The following RPS6KC1 variants were observed in gnomAD, a reference collection of about 807,000 sequenced individuals.
The protein encoded by RPS6KC1 is inactive ribosomal protein S6 kinase delta-1.
In RPS6KC1, 54 loss-of-function variants were observed where a neutral mutation model predicts 103.8. The ratio of observed to expected loss-of-function variants is 0.52; its 90% CI spans 0.42 to 0.65. RPS6KC1 has a LOEUF of 0.65. Ranked by LOEUF, RPS6KC1 falls within the 30% of genes least tolerant of loss-of-function variation. The pLI is 0.00. For missense variants in RPS6KC1, 1,151 were observed against 1,253.8 expected, an observed-to-expected ratio of 0.92 and a Z score of 1.24; for synonymous variants, 439 against 438.7, an observed-to-expected ratio of 1.00 and a Z score of -0.01.
the RPS6KC1 span, among the ~76,000 whole-genome samples, chr1:213,390,217 T>C: frequency 2.6e-5 from 4 of 152,250 alleles, no homozygotes; most frequent in African/African-American, 9.6e-5. Context: ...TGTATTTACA[T>C]GCTATTCACA....
the RPS6KC1 span, among the ~76,000 whole-genome samples, chr1:213,809,492 G>C: frequency 6.6e-6 from 1 of 151,958 alleles, no homozygotes; most frequent in Non-Finnish European, 1.5e-5. Context: ...CTTGATACAG[G>C]GTTTTCGCAA....
the RPS6KC1 span, among the ~76,000 whole-genome samples, chr1:213,760,696 T>C: frequency 6.6e-6 from 1 of 152,192 alleles, no homozygotes; most frequent in South Asian, 2.1e-4. Context: ...GTAAATAGTG[T>C]TTTGTTGTTG....
At chr1:213,795,843 C>T in the RPS6KC1 span, among the ~76,000 whole-genome samples, 7 of 152,140 alleles carry the variant, frequency 4.6e-5, no homozygotes, top group Admixed American at 1.3e-4. Context: ...TAGCTTCTCT[C>T]GTTCTCTCTC....
At chr1:213,314,478 T>C in the RPS6KC1 span, among the ~76,000 whole-genome samples, 4 of 152,318 alleles carry the variant, frequency 2.6e-5, no homozygotes, top group East Asian at 7.7e-4. Context: ...AGGAATGGAA[T>C]CCTGAGATTC....
chr1:213,090,423 C>T (rs542544423), intron 3 of RPS6KC1, among the ~76,000 whole-genome samples: 1 of 151,932 alleles, frequency 6.6e-6, no homozygotes, highest in South Asian at 2.1e-4. Context: ...ATAAGTTGAG[C>T]AAAATAAAAG....
chr1:213,652,733 G>C, the RPS6KC1 span, among the ~76,000 whole-genome samples: 1 of 152,274 alleles, frequency 6.6e-6, no homozygotes, highest in African/African-American at 2.4e-5. Context: ...AGGTACCCCA[G>C]CCAGGAGCCT....
chr1:213,518,835 C>T, the RPS6KC1 span, among the ~76,000 whole-genome samples: 3 of 152,122 alleles, frequency 2.0e-5, no homozygotes, highest in South Asian at 2.1e-4. Flanking sequence ...AGTGTGTTTT[C>T]ACATATGTGT....
intron 6 of RPS6KC1, among the ~76,000 whole-genome samples, chr1:213,161,141 A>T (rs1447290236): frequency 1.3e-5 from 2 of 152,222 alleles, no homozygotes. Context: ...CCTGGAACAT[A>T]GTAGATAACT....
At chr1:213,822,356 C>G in the RPS6KC1 span, 4 of 152,072 alleles carry the variant, frequency 2.6e-5, no homozygotes, top group African/African-American at 4.8e-5. Flanking sequence ...ATTCCACCTG[C>G]CTTTGTCGTC....
At chr1:213,567,615 A>C in the RPS6KC1 span, among the ~76,000 whole-genome samples, 1 of 152,206 alleles carries the variant, frequency 6.6e-6, no homozygotes, top group Non-Finnish European at 1.5e-5. Flanking sequence ...GTCTTGAAGT[A>C]ATCTGATCCC....
the RPS6KC1 span, among the ~76,000 whole-genome samples, chr1:213,844,769 G>T: frequency 6.6e-6 from 1 of 152,134 alleles, no homozygotes; most frequent in Non-Finnish European, 1.5e-5. Context: ...ATGGAGAAAG[G>T]CTATAAATAC....
the RPS6KC1 span, among the ~76,000 whole-genome samples, chr1:213,743,426 T>C: frequency 6.6e-6 from 1 of 152,192 alleles, no homozygotes; most frequent in Admixed American, 6.5e-5. Flanking sequence ...AAACTACTTA[T>C]TGGGTACTAC....
At chr1:213,682,393 C>T in the RPS6KC1 span, among the ~76,000 whole-genome samples, 15 of 152,240 alleles carry the variant, frequency 9.9e-5, no homozygotes, top group Admixed American at 8.5e-4. Context: ...ATACGTGTCA[C>T]GTCTTCTGCC....
the RPS6KC1 span, among the ~76,000 whole-genome samples, chr1:213,491,130 C>T: frequency 6.6e-6 from 1 of 152,146 alleles, no homozygotes; most frequent in Admixed American, 6.5e-5. Flanking sequence ...TAAAACGCTA[C>T]TCTTATCTGG....
the RPS6KC1 span, among the ~76,000 whole-genome samples, chr1:213,372,692 A>G: frequency 6.6e-6 from 1 of 152,136 alleles, no homozygotes; most frequent in Non-Finnish European, 1.5e-5. Context: ...GTTCCGTGCA[A>G]CATGTTTTAT....
At chr1:213,260,075 C>T (rs1211530008) in intron 12 of RPS6KC1, among the ~76,000 whole-genome samples, 1 of 152,164 alleles carries the variant, frequency 6.6e-6, no homozygotes, top group Non-Finnish European at 1.5e-5. Flanking sequence ...ATCCATCATA[C>T]AGATGTGCCA....
At chr1:213,528,441 A>G in the RPS6KC1 span, among the ~76,000 whole-genome samples, 5 of 54,672 alleles carry the variant, frequency 9.1e-5, no homozygotes, top group African/African-American at 1.9e-4. Flanking sequence ...GGGAACTACA[A>G]TTCAAGTGAG....
chr1:213,752,048 G>T, the RPS6KC1 span, among the ~76,000 whole-genome samples: 1 of 152,166 alleles, frequency 6.6e-6, no homozygotes, highest in Non-Finnish European at 1.5e-5. Flanking sequence ...TTGGGTTATT[G>T]TGAGTTTTAA....
chr1:213,454,154 G>T, the RPS6KC1 span, among the ~76,000 whole-genome samples: 13 of 151,282 alleles, frequency 8.6e-5, no homozygotes, highest in African/African-American at 3.2e-4. Flanking sequence ...ACATGGGGGG[G>T]GTCAGCATTC....
Sources: gnomAD v4.1 joint callset for allele counts (sites outside exome capture counted in the v4.1 genomes callset) on GRCh38, gnomAD v4.1.1 for gene constraint, MANE v1.5 for transcripts, NCBI Gene and HGNC (gene_info 2026-07-23, HGNC 2026-07-21) for gene names.